Variants in GPR89B observed in about 807,000 individuals in gnomAD.
GPR89B encodes the protein G protein-coupled receptor 89B.
GPR89B carries 25 observed loss-of-function variants against 52.4 expected under a neutral mutation model. The observed-to-expected ratio is 0.48, with a 90% CI of 0.35 to 0.67. The LOEUF (loss-of-function observed/expected upper bound fraction) is 0.67. Among genes scored for constraint, GPR89B ranks in the 30% least tolerant of loss-of-function variants. GPR89B has a pLI of 0.01. For synonymous variants in GPR89B, 52 were observed against 151.2 expected (o/e 0.34, Z 4.81); for missense variants, 146 against 450.2 (o/e 0.32, Z 6.11).
At chr1:147,971,446 C>T (rs1229779016) in intron 10 of GPR89B, among the ~76,000 whole-genome samples, 2 of 148,058 alleles carry the variant, frequency 1.4e-5, no homozygotes, top group Admixed American at 6.8e-5. Flanking sequence ...CCATCACACC[C>T]GGCCTAGGGA....
rs1164144529 is a variant in GPR89B at position 147,989,300 on chromosome 1, C to A, written c.1095+779C>A. ...ATACCAAGTCCTCAAAAAAATGTTT[C>A]ATTCAACATTTCATTATAATGCTGT... On this transcript the variant is annotated intron_variant, in intron 12 of 13. Transcript: ENST00000314163. 1.2e-4 allele frequency among the ~76,000 whole-genome samples: 19 copies of A among 152,264 alleles called. No individual in the cohort carries two copies. In the South Asian group the frequency reaches 3.9e-3, roughly 32 times the overall value.
intron 10 of GPR89B, among the ~76,000 whole-genome samples, chr1:147,972,996 C>A (rs1657582829): frequency 6.6e-6 from 1 of 150,610 alleles, no homozygotes; most frequent in East Asian, 1.9e-4. Flanking sequence ...GATCTCATTC[C>A]TTTTTATGGC....
chr1:148,016,738 CAAAG>C, the GPR89B span, among the ~76,000 whole-genome samples: 1 of 151,698 alleles, frequency 6.6e-6, no homozygotes, highest in African/African-American at 2.4e-5. Context: ...ATAAAAATAA[CAAAG>C]AAAGAAAATA....
At chr1:147,929,687 AGAGCG>A (rs1653371585) in intron 1 of GPR89B, among the ~76,000 whole-genome samples, 1 of 152,230 alleles carries the variant, frequency 6.6e-6, no homozygotes, top group African/African-American at 2.4e-5. Context: ...TCGTCTCCGT[AGAGCG>A]GAGCATTGTC....
At chr1:147,973,807 C>T (rs1384378229) in intron 10 of GPR89B, among the ~76,000 whole-genome samples, 8 of 151,678 alleles carry the variant, frequency 5.3e-5, no homozygotes, top group Admixed American at 4.6e-4. Context: ...TGGGGTTTTA[C>T]ATTTAAGTCT....
At chr1:147,959,379 T>TTA (rs1364484872) in intron 7 of GPR89B, among the ~76,000 whole-genome samples, 2 of 152,060 alleles carry the variant, frequency 1.3e-5, no homozygotes, top group Non-Finnish European at 1.5e-5. Context: ...TGGAAAGAAT[T>TTA]TAAGCAATTC....
At chr1:148,000,086 G>T in the GPR89B span, among the ~76,000 whole-genome samples, 1 of 152,014 alleles carries the variant, frequency 6.6e-6, no homozygotes, top group South Asian at 2.1e-4. Context: ...CTCAAATCAG[G>T]TCTCACCATG....
At chr1:148,007,276 C>T in the GPR89B span, among the ~76,000 whole-genome samples, 3 of 151,842 alleles carry the variant, frequency 2.0e-5, no homozygotes, top group South Asian at 2.1e-4. Context: ...AGGGTTTCAC[C>T]GTGTTAGCCA....
intron 7 of GPR89B, among the ~76,000 whole-genome samples, chr1:147,961,213 A>T (rs1269193770): frequency 4.6e-5 from 7 of 152,180 alleles, no homozygotes; most frequent in South Asian, 2.1e-4. Flanking sequence ...ATATTTTTTT[A>T]AAAAAAGATT....
chr1:148,012,622 C>T, the GPR89B span, among the ~76,000 whole-genome samples: 91 of 151,832 alleles, frequency 6.0e-4, no homozygotes, highest in Non-Finnish European at 8.8e-5. Context: ...ACTCTTGTCG[C>T]CAGCACTGTC....
the GPR89B span, among the ~76,000 whole-genome samples, chr1:148,014,261 A>G: frequency 1.3e-5 from 2 of 151,816 alleles, no homozygotes; most frequent in African/African-American, 4.9e-5. Context: ...CTTTTTTGCT[A>G]TAGCCAAATT....
At chr1:147,929,877 T>TA (rs1214886029) in intron 1 of GPR89B, among the ~76,000 whole-genome samples, 24 of 152,274 alleles carry the variant, frequency 1.6e-4, no homozygotes, top group Admixed American at 1.1e-3. Context: ...TGTATTAATG[T>TA]AAAAAAACCT....
At chr1:147,951,908 T>G (rs1412463549) in intron 5 of GPR89B, among the ~76,000 whole-genome samples, 11 of 151,862 alleles carry the variant, frequency 7.2e-5, no homozygotes, top group South Asian at 2.1e-4. Flanking sequence ...GGAGGATGAT[T>G]GCAGATGTAT....
chr1:147,964,527 C>T (rs1656892004), intron 7 of GPR89B, among the ~76,000 whole-genome samples: 2 of 151,508 alleles, frequency 1.3e-5, no homozygotes, highest in Non-Finnish European at 2.9e-5. Flanking sequence ...TCTATAGTAC[C>T]TCATATGGTT....
intron 5 of GPR89B, among the ~76,000 whole-genome samples, chr1:147,950,487 C>T (rs1355006813): frequency 6.8e-5 from 10 of 146,400 alleles, no homozygotes; most frequent in Admixed American, 2.0e-4. Flanking sequence ...ACGTCCCAGA[C>T]GATGGGCGGC....
chr1:147,978,702 G>A (rs1408201595), intron 10 of GPR89B, among the ~76,000 whole-genome samples: 2 of 151,774 alleles, frequency 1.3e-5, no homozygotes, highest in South Asian at 2.1e-4. Context: ...GGGAGGCCTC[G>A]CCTAGTGAGG....
the GPR89B span, among the ~76,000 whole-genome samples, chr1:148,007,544 G>A: frequency 6.7e-6 from 1 of 148,232 alleles, no homozygotes; most frequent in South Asian, 2.2e-4. Context: ...TCTTCTTACA[G>A]CTATTTTGAA....
chr1:147,989,427 C>CTT (rs1170851684), intron 12 of GPR89B, among the ~76,000 whole-genome samples: 4 of 139,454 alleles, frequency 2.9e-5, no homozygotes, highest in African/African-American at 5.2e-5. Context: ...CAACTATTTT[C>CTT]TTTTTTTTTT....
intron 5 of GPR89B, among the ~76,000 whole-genome samples, chr1:147,945,914 TG>T (rs1388631843): frequency 2.6e-5 from 4 of 151,824 alleles, no homozygotes; most frequent in African/African-American, 9.7e-5. Context: ...TTCATAGAGA[TG>T]GGGTTTCTCC....
Sources: gnomAD v4.1 joint callset for allele counts (sites outside exome capture counted in the v4.1 genomes callset) on GRCh38, gnomAD v4.1.1 for gene constraint, MANE v1.5 for transcripts, NCBI Gene and HGNC (gene_info 2026-07-23, HGNC 2026-07-21) for gene names.